GIPC2: variants seen among roughly 807,000 people sequenced by gnomAD.
GIPC2 encodes the protein GIPC PDZ domain containing family member 2.
GIPC2 carries 30 observed loss-of-function variants against 30.6 expected under a neutral mutation model. That is an observed-to-expected ratio of 0.98 (90% CI 0.73 to 1.33). The LOEUF (loss-of-function observed/expected upper bound fraction) is 1.33. GIPC2 is among the 40% of genes most tolerant of loss of function. The pLI is 0.00. For synonymous variants in GIPC2, 167 were observed against 150.0 expected, an observed-to-expected ratio of 1.11 and a Z score of -0.83; for missense variants, 414 against 390.3, an observed-to-expected ratio of 1.06 and a Z score of -0.51.
chr1:78,102,197 CT>C (rs1662261712), intron 3 of GIPC2, among the ~76,000 whole-genome samples: 1 of 152,124 alleles, frequency 6.6e-6, no homozygotes, highest in South Asian at 2.1e-4. Context: ...TGGGTTATAT[CT>C]TCTTTTAGAA....
chr1:78,081,108 C>T (rs1352357465), intron 2 of GIPC2, among the ~76,000 whole-genome samples: 3 of 152,254 alleles, frequency 2.0e-5, no homozygotes, highest in Admixed American at 2.0e-4. Flanking sequence ...AAGTCTAACC[C>T]TGGTGCCTAC....
chr1:78,112,587 G>T (rs1015151677), intron 3 of GIPC2: 3 of 517,818 alleles, frequency 5.8e-6, no homozygotes, highest in East Asian at 1.1e-4. Flanking sequence ...CTGTGCGGAA[G>T]TGGGGAGAAT....
At chr1:78,097,532 A>G (rs1033664017) in intron 3 of GIPC2, among the ~76,000 whole-genome samples, 2 of 152,242 alleles carry the variant, frequency 1.3e-5, no homozygotes, top group African/African-American at 2.4e-5. Context: ...CTGCTTTGCA[A>G]TGGCGTAACT....
intron 2 of GIPC2, among the ~76,000 whole-genome samples, chr1:78,081,848 T>C (rs1388617053): frequency 2.0e-5 from 3 of 152,192 alleles, no homozygotes. Flanking sequence ...TTTTTCTTTG[T>C]ATTTATTTTT....
At chr1:78,053,703 T>C (rs978326978) in intron 1 of GIPC2, among the ~76,000 whole-genome samples, 3 of 142,590 alleles carry the variant, frequency 2.1e-5, no homozygotes, top group Admixed American at 1.5e-4. Flanking sequence ...GCCAGGAGTT[T>C]GATTGACAAC....
At chr1:78,106,300 C>T (rs1662352294) in intron 3 of GIPC2, among the ~76,000 whole-genome samples, 1 of 150,460 alleles carries the variant, frequency 6.6e-6, no homozygotes, top group South Asian at 2.1e-4. Context: ...TGGCTCACGC[C>T]TGTAATCCCA....
At chr1:78,121,243 G>A (rs528371686) in intron 4 of GIPC2, among the ~76,000 whole-genome samples, 1 of 152,266 alleles carries the variant, frequency 6.6e-6, no homozygotes, top group African/African-American at 2.4e-5. Flanking sequence ...GCCCACAACA[G>A]CAGCAAAGGC....
At chr1:78,063,087 T>C (rs1205415109) in intron 1 of GIPC2, among the ~76,000 whole-genome samples, 1 of 152,236 alleles carries the variant, frequency 6.6e-6, no homozygotes, top group African/African-American at 2.4e-5. Flanking sequence ...CCGTCTTTAC[T>C]TTCCTGAAAT....
chr1:78,113,642 G>T (rs546283096), intron 3 of GIPC2, among the ~76,000 whole-genome samples: 12 of 152,254 alleles, frequency 7.9e-5, no homozygotes, highest in African/African-American at 2.6e-4. Context: ...GCCACCCTTG[G>T]CCTCTCAAAA....
rs1052094745 is a variant in GIPC2, at chr1:78,136,854, TG to T, written c.*1113del. Reference sequence around the variant, plus strand: ...TAGGTGTAAGAGAAATGGAAATGAATGGTTTCAACAAAGATCATTTAATACA... The same window carrying T: ...TAGGTGTAAGAGAAATGGAAATGAATGTTTCAACAAAGATCATTTAATACA... On this transcript the variant is annotated 3_prime_UTR_variant, in exon 6 of 6. Coordinates refer to ENST00000370759, the MANE Select transcript of GIPC2 (RefSeq NM_017655.6). 1 of 152,138 alleles carries T rather than the reference TG, an allele frequency of 6.6e-6. No homozygotes were observed. The highest frequency in any genetic ancestry group is 2.4e-5 in the African/African-American group (1 of 41,460). The allele number at this position is 152,138 out of a possible 1,614,324, so 9.4% of individuals were successfully genotyped here. A position where few individuals can be genotyped will look rare whatever the true frequency, so the allele number is the denominator to read the frequency against.
chr1:78,091,280 CTTA>C (rs1662032498), intron 2 of GIPC2, among the ~76,000 whole-genome samples: 1 of 152,170 alleles, frequency 6.6e-6, no homozygotes, highest in Non-Finnish European at 1.5e-5. Flanking sequence ...TGACTGTTAG[CTTA>C]TTATTATGGG....
In GIPC2 at chr1:78,046,162, A is replaced by G; in HGVS notation, c.68A>G (p.Glu23Gly). Residue 23 changes from glutamate to glycine, a missense_variant, in exon 1 of 6, where the codon GAG (glutamate) becomes GGG (glycine). Transcript: ENST00000370759. ...GAGACCGCCGGGCTGGTGGAGGGCGAGCCGACGGGCGCGGGCGGCGGGAGC... is the reference window on the plus strand; with the variant it reads ...GAGACCGCCGGGCTGGTGGAGGGCGGGCCGACGGGCGCGGGCGGCGGGAGC... ...SKETAGLVEG[E>G]PTGAGGGSLS... 1 of 1,555,784 alleles carries G rather than the reference A, an allele frequency of 6.4e-7. No homozygotes were observed. Among genetic ancestry groups the G allele is most frequent in the African/African-American group, 1.4e-5 (1 of 72,090 alleles).
In GIPC2 at chr1:78,138,363, AAG is replaced by A. The variant is rs1157645583; in HGVS notation, c.*2626_*2627del. 6.6e-6 allele frequency: 1 copy of A among 152,222 alleles called. No homozygotes were observed. The highest frequency in any genetic ancestry group is 1.5e-5 in the Non-Finnish European group (1 of 68,048). 9.4% of individuals were successfully genotyped at this position (152,222 alleles called of 1,614,324 possible). On this transcript the variant is annotated 3_prime_UTR_variant, in exon 6 of 6. Coordinates refer to ENST00000370759, the MANE Select transcript of GIPC2 (RefSeq NM_017655.6). ...CAATATTGTGACTGAAAATTAACTA[AAG>A]AGAGATAATTTTTCAAATGATGTAT...
chr1:78,080,001 C>T (rs920624316), intron 1 of GIPC2, among the ~76,000 whole-genome samples: 1 of 151,960 alleles, frequency 6.6e-6, no homozygotes, highest in Non-Finnish European at 1.5e-5. Flanking sequence ...TGGCCCCCCT[C>T]CCCCCTTTTT....
At chr1:78,084,584 T>A (rs575243411) in intron 2 of GIPC2, among the ~76,000 whole-genome samples, 3 of 152,144 alleles carry the variant, frequency 2.0e-5, no homozygotes, top group Non-Finnish European at 4.4e-5. Context: ...GGTTATTTCT[T>A]GGCTTCCCCA....
At position 78,137,216 on chromosome 1, in the gene GIPC2, T is replaced by G. The variant is rs1288485765; in HGVS notation, c.*1473T>G. 1.3e-5 allele frequency: 2 copies of G among 152,164 alleles called. No individual in the cohort carries two copies. The highest frequency in any genetic ancestry group is 1.5e-5 in the Non-Finnish European group (1 of 68,006). 9.4% of individuals were successfully genotyped at this position (152,164 alleles called of 1,614,324 possible). A position where few individuals can be genotyped will look rare whatever the true frequency, so the allele number is the denominator to read the frequency against. On this transcript the variant is annotated 3_prime_UTR_variant, in exon 6 of 6. Transcript: ENST00000370759. ...CTGCCTTATTGCTGTTGCTTATCAT[T>G]TGAAAATAAAATCCAGCTCAGGTTG...
chr1:78,127,961 A>G (rs1662812535), intron 5 of GIPC2, among the ~76,000 whole-genome samples: 1 of 151,924 alleles, frequency 6.6e-6, no homozygotes, highest in South Asian at 2.1e-4. Flanking sequence ...GTGCAGGGAG[A>G]GATTACAGGT....
intron 5 of GIPC2, among the ~76,000 whole-genome samples, chr1:78,133,521 A>G (rs1300679196): frequency 6.6e-6 from 1 of 152,132 alleles, no homozygotes; most frequent in African/African-American, 2.4e-5. Flanking sequence ...GATTTCATGG[A>G]GGAGAGAGCC....
In GIPC2 at chr1:78,134,424, C is replaced by T. The variant is rs751151317; in HGVS notation, c.797-1168C>T. Among the ~76,000 whole-genome samples, 9 of 151,706 alleles carry T rather than the reference C, an allele frequency of 5.9e-5. No individual in the cohort carries two copies. In the South Asian group the frequency reaches 8.4e-4, roughly 14 times the overall value. ...ATATGTGTAACTAATCTCTTATCAC[C>T]GTGGCTGCTGCCCTCCCTCCCCATT... On this transcript the variant is annotated intron_variant, in intron 5 of 5. Coordinates refer to ENST00000370759, the MANE Select transcript of GIPC2 (RefSeq NM_017655.6).
Sources: allele counts gnomAD v4.1 joint callset (sites outside exome capture counted in the v4.1 genomes callset), GRCh38; gene constraint gnomAD v4.1.1; transcripts MANE v1.5; gene names NCBI Gene and HGNC (gene_info 2026-07-23, HGNC 2026-07-21).